The following NSMCE2 variants were observed in gnomAD, a reference collection of about 807,000 sequenced individuals.
NSMCE2 encodes NSE2 SUMO ligase component of SMC5/6 complex.
A neutral mutation model predicts 23.8 loss-of-function variants in NSMCE2; 24 were observed. That is an observed-to-expected ratio of 1.01 (90% CI 0.73 to 1.42). The LOEUF (loss-of-function observed/expected upper bound fraction) is 1.42. Ranked by LOEUF, NSMCE2 falls within the 40% of genes most tolerant of loss-of-function variation. The pLI is 0.00. For missense variants in NSMCE2, 284 were observed against 296.5 expected (o/e 0.96, Z 0.31); for synonymous variants, 92 against 94.1 (o/e 0.98, Z 0.13).
chr8:125,271,874 T>G (rs1335663822), intron 5 of NSMCE2, among the ~76,000 whole-genome samples: 1 of 152,230 alleles, frequency 6.6e-6, no homozygotes. Flanking sequence ...TATTAAATAA[T>G]CTGCATAATA....
chr8:125,146,506 AC>A (rs1429924975), intron 3 of NSMCE2, among the ~76,000 whole-genome samples: 1 of 152,192 alleles, frequency 6.6e-6, no homozygotes, highest in East Asian at 1.9e-4. Flanking sequence ...CAAATGTCCA[AC>A]AATGATAGAC....
At chr8:125,344,505 A>G (rs1355997814) in intron 5 of NSMCE2, among the ~76,000 whole-genome samples, 3 of 152,130 alleles carry the variant, frequency 2.0e-5, no homozygotes, top group Non-Finnish European at 2.9e-5. Context: ...GCACTTTGGG[A>G]GGCCGAGGTG....
chr8:125,360,425 A>T (rs1035554009), intron 7 of NSMCE2, among the ~76,000 whole-genome samples: 10 of 152,190 alleles, frequency 6.6e-5, no homozygotes, highest in African/African-American at 2.4e-4. Flanking sequence ...CTCGCCTGTG[A>T]TCTCCACAAG....
At chr8:125,327,337 A>C (rs1829710868) in intron 5 of NSMCE2, among the ~76,000 whole-genome samples, 1 of 152,072 alleles carries the variant, frequency 6.6e-6, no homozygotes, top group African/African-American at 2.4e-5. Context: ...TTACTGAATG[A>C]ATGTAGTATA....
chr8:125,110,354 C>T (rs1322727678), intron 3 of NSMCE2, among the ~76,000 whole-genome samples: 1 of 152,140 alleles, frequency 6.6e-6, no homozygotes, highest in East Asian at 1.9e-4. Context: ...TCTGTGATTT[C>T]GGAGCTATAG....
At chr8:125,211,155 T>C (rs1346707851) in intron 5 of NSMCE2, among the ~76,000 whole-genome samples, 1 of 152,206 alleles carries the variant, frequency 6.6e-6, no homozygotes, top group Non-Finnish European at 1.5e-5. Context: ...CATTATTATA[T>C]ATGTATATTC....
chr8:125,130,189 A>T (rs993437348), intron 3 of NSMCE2: 1 of 454,976 alleles, frequency 2.2e-6, no homozygotes, highest in Non-Finnish European at 4.4e-6. Flanking sequence ...CTGATGTCTT[A>T]TTATGATTAG....
rs568917745 is a variant in NSMCE2 at position 125,311,938 on chromosome 8, C to G, written c.419-45281C>G. Among the ~76,000 whole-genome samples the G allele has an allele frequency of 4.6e-5, 7 of 151,960 alleles. No individual in the cohort carries two copies. In the East Asian group the frequency reaches 1.4e-3, roughly 29 times the overall value. On this transcript the variant is annotated intron_variant, in intron 5 of 7. Coordinates refer to ENST00000287437, the MANE Select transcript of NSMCE2 (RefSeq NM_173685.4). The stretch of plus-strand genomic sequence containing the variant: ...ACAAAATTAGCCAGGCATGGTGGCG[C>G]ATGCCTGTAATCCCAGCTACTCAGG...
At chr8:125,119,208 C>T (rs1042066339) in intron 3 of NSMCE2, among the ~76,000 whole-genome samples, 1 of 152,196 alleles carries the variant, frequency 6.6e-6, no homozygotes, top group Admixed American at 6.5e-5. Context: ...ATCATTCCAA[C>T]ACCTCCAGAT....
chr8:125,117,631 C>G (rs1819076579), intron 3 of NSMCE2, among the ~76,000 whole-genome samples: 1 of 152,060 alleles, frequency 6.6e-6, no homozygotes. Flanking sequence ...TCTCCCAACT[C>G]AGCCTCCCAA....
At chr8:125,176,133 G>T (rs1281341228) in intron 4 of NSMCE2, among the ~76,000 whole-genome samples, 1 of 152,214 alleles carries the variant, frequency 6.6e-6, no homozygotes, top group Non-Finnish European at 1.5e-5. Context: ...TGAAGAGTCT[G>T]TGGAATTTCT....
chr8:125,198,077 G>A (rs1006967419), intron 5 of NSMCE2, among the ~76,000 whole-genome samples: 1 of 152,188 alleles, frequency 6.6e-6, no homozygotes, highest in Non-Finnish European at 1.5e-5. Flanking sequence ...TCAGCTTAAG[G>A]AGATTTTGGG....
chr8:125,137,084 AT>A (rs34095232), intron 3 of NSMCE2, among the ~76,000 whole-genome samples: 18 of 150,772 alleles, frequency 1.2e-4, no homozygotes, highest in South Asian at 4.2e-4. Context: ...TGAAATCAAA[AT>A]TTTTTTTTTA....
chr8:125,320,972 G>T (rs776404876), intron 5 of NSMCE2, among the ~76,000 whole-genome samples: 1 of 152,166 alleles, frequency 6.6e-6, no homozygotes. Context: ...TATGGCCAGA[G>T]CAGGAGGAAG....
chr8:125,204,838 T>C (rs1824045409), intron 5 of NSMCE2, among the ~76,000 whole-genome samples: 1 of 152,228 alleles, frequency 6.6e-6, no homozygotes, highest in African/African-American at 2.4e-5. Flanking sequence ...CTGATCTTGC[T>C]GTCAGCCTCC....
At chr8:125,260,124 G>A (rs766816067) in intron 5 of NSMCE2, among the ~76,000 whole-genome samples, 2 of 152,188 alleles carry the variant, frequency 1.3e-5, no homozygotes, top group Non-Finnish European at 2.9e-5. Context: ...CGAAGCCAGA[G>A]CTGGAACACA....
intron 5 of NSMCE2, among the ~76,000 whole-genome samples, chr8:125,247,840 A>T (rs1386000169): frequency 6.6e-6 from 1 of 152,320 alleles, no homozygotes; most frequent in Non-Finnish European, 1.5e-5. Flanking sequence ...AGTCATTATT[A>T]CTAAGACAAG....
At chr8:125,166,318 G>T (rs1009959681) in intron 4 of NSMCE2, among the ~76,000 whole-genome samples, 1 of 152,152 alleles carries the variant, frequency 6.6e-6, no homozygotes. Flanking sequence ...CCAGGCTGGA[G>T]TGCAGTGGCG....
chr8:125,339,176 A>G (rs763628492), intron 5 of NSMCE2, among the ~76,000 whole-genome samples: 25 of 152,178 alleles, frequency 1.6e-4, no homozygotes, highest in Admixed American at 3.3e-4. Context: ...GTCCACCCTC[A>G]ATTTTCTCTC....
Sources: allele counts gnomAD v4.1 joint callset (sites outside exome capture counted in the v4.1 genomes callset), GRCh38; gene constraint gnomAD v4.1.1; transcripts MANE v1.5; gene names NCBI Gene and HGNC (gene_info 2026-07-23, HGNC 2026-07-21).